The following LRRC4C variants were observed in gnomAD, a reference collection of about 807,000 sequenced individuals.
LRRC4C encodes leucine rich repeat containing 4C, also known as leucine-rich repeat-containing protein 4C.
LRRC4C carries 5 observed loss-of-function variants against 33.6 expected under a neutral mutation model. The ratio of observed to expected loss-of-function variants is 0.15; its 90% CI spans 0.08 to 0.31. The LOEUF is 0.31. LRRC4C is among the 10% of genes least tolerant of loss of function. The probability of loss-of-function intolerance (pLI) is 1.00; values close to 1 mark genes in which losing one functional copy is unlikely to be tolerated. For synonymous variants in LRRC4C, 329 were observed against 302.0 expected (o/e 1.09, Z -0.93); for missense variants, 560 against 796.7 (o/e 0.70, Z 3.58).
At chr11:41,242,205 AT>A (rs1031579347) in intron 1 of LRRC4C, among the ~76,000 whole-genome samples, 4 of 151,406 alleles carry the variant, frequency 2.6e-5, no homozygotes, top group East Asian at 1.9e-4. Flanking sequence ...TCCAGTGTTG[AT>A]TTTTTTTTGT....
chr11:41,295,268 G>A (rs1241225610), intron 1 of LRRC4C, among the ~76,000 whole-genome samples: 1 of 152,002 alleles, frequency 6.6e-6, no homozygotes, highest in Non-Finnish European at 1.5e-5. Flanking sequence ...TAACAACATT[G>A]GAAAAAATAA....
At chr11:40,927,107 G>A (rs12422174) in intron 2 of LRRC4C, among the ~76,000 whole-genome samples, 9,177 of 152,272 alleles carry the variant, frequency 0.06, 393 homozygotes, top group Admixed American at 0.15. Flanking sequence ...CAGGCACGGT[G>A]GCTCACGCCT....
At chr11:41,033,521 T>C (rs564298156) in intron 1 of LRRC4C, among the ~76,000 whole-genome samples, 1 of 151,754 alleles carries the variant, frequency 6.6e-6, no homozygotes, top group East Asian at 1.9e-4. Flanking sequence ...CATTTCATCC[T>C]GGTTCACCTG....
In LRRC4C at chr11:40,632,645, C is replaced by T. The variant is rs537781945; in HGVS notation, c.-270+15497G>A. 1.3e-4 allele frequency among the ~76,000 whole-genome samples: 20 copies of T among 152,264 alleles called. No homozygotes were observed. The South Asian group carries it at 2.1e-3, about 16-fold the overall frequency. On this transcript the variant is annotated intron_variant, in intron 3 of 6. Transcript: ENST00000528697. ...AAAACACTTATGTAATCTTAGGGAA[C>T]GCTCACAAAACCTCACAGAGAAGTG...
At chr11:40,623,747 C>G (rs912875213) in intron 3 of LRRC4C, among the ~76,000 whole-genome samples, 6 of 152,008 alleles carry the variant, frequency 3.9e-5, no homozygotes, top group Non-Finnish European at 8.8e-5. Flanking sequence ...CTTGAGAGTA[C>G]CTCACTTCTT....
intron 1 of LRRC4C, among the ~76,000 whole-genome samples, chr11:41,429,255 G>A (rs1421391166): frequency 1.3e-5 from 2 of 152,044 alleles, no homozygotes; most frequent in Admixed American, 6.6e-5. Context: ...GTTTCCTGAG[G>A]CCTCCCTAGC....
At chr11:41,137,453 T>C (rs16935389) in intron 1 of LRRC4C, among the ~76,000 whole-genome samples, 2,149 of 152,308 alleles carry the variant, frequency 0.014, 155 homozygotes, top group Admixed American at 0.12. Flanking sequence ...TCATCATTTC[T>C]ATGAATAGCA....
chr11:40,646,898 G>A (rs566461625), intron 3 of LRRC4C, among the ~76,000 whole-genome samples: 40 of 152,284 alleles, frequency 2.6e-4, no homozygotes, highest in African/African-American at 9.1e-4. Flanking sequence ...GAGCCACTGT[G>A]CCTGGCCAAG....
At chr11:40,758,359 C>T (rs543878468) in intron 2 of LRRC4C, among the ~76,000 whole-genome samples, 2 of 152,084 alleles carry the variant, frequency 1.3e-5, no homozygotes, top group South Asian at 4.1e-4. Flanking sequence ...GGGTCCTCTC[C>T]TCCTGCTATG....
At chr11:41,393,069 G>T (rs1452118988) in intron 1 of LRRC4C, among the ~76,000 whole-genome samples, 2 of 151,860 alleles carry the variant, frequency 1.3e-5, no homozygotes, top group African/African-American at 4.8e-5. Context: ...TATAATGATT[G>T]TAAAGTCACT....
rs1857242329 is a variant in LRRC4C, at chr11:40,139,839, A to C, written c.-43+962T>G. On this transcript the variant is annotated intron_variant, in intron 6 of 6. Transcript: ENST00000528697. Reference sequence around the variant, plus strand: ...CTTTTGCCTTCCAAAATAAACAACTACTTTTAGGGCATTACCCCTGGGGGT... The same window carrying C: ...CTTTTGCCTTCCAAAATAAACAACTCCTTTTAGGGCATTACCCCTGGGGGT... Among the ~76,000 whole-genome samples the C allele has an allele frequency of 2.0e-5, 3 of 152,310 alleles. No homozygotes were observed. The South Asian group carries it at 6.2e-4, about 32-fold the overall frequency.
chr11:40,439,097 A>ATT (rs200541047), intron 3 of LRRC4C, among the ~76,000 whole-genome samples: 103 of 134,722 alleles, frequency 7.6e-4, no homozygotes, highest in African/African-American at 2.3e-3. Flanking sequence ...CCCCCAGCTA[A>ATT]TTTTTTTTTT....
rs188651530 is a variant in LRRC4C at position 40,670,979 on chromosome 11, T to G, written c.-406-22701A>C. Among the ~76,000 whole-genome samples, 376 of 152,212 alleles carry G rather than the reference T, an allele frequency of 2.5e-3. 2 individuals carry two copies. The East Asian group carries it at 0.036, about 15-fold the overall frequency. ...GGGGTTTCACCGTGTTAGCCAGGAT[T>G]GTCTCAATCTCCTGACCTCGTGATC... On this transcript the variant is annotated intron_variant, in intron 2 of 6. Transcript: ENST00000528697.
At chr11:40,410,945 C>T (rs976656) in intron 3 of LRRC4C, among the ~76,000 whole-genome samples, 55,232 of 151,766 alleles carry the variant, frequency 0.36, 10,651 homozygotes, top group South Asian at 0.47. Flanking sequence ...TTTTAAAGTG[C>T]TGCAGTTAAA....
At chr11:40,257,711 C>G (rs534505611) in intron 4 of LRRC4C, among the ~76,000 whole-genome samples, 1 of 152,258 alleles carries the variant, frequency 6.6e-6, no homozygotes, top group Non-Finnish European at 1.5e-5. Context: ...GAGATAAACT[C>G]TTTTTACTTG....
intron 2 of LRRC4C, among the ~76,000 whole-genome samples, chr11:40,675,070 G>A (rs973172156): frequency 2.6e-5 from 4 of 152,078 alleles, no homozygotes; most frequent in African/African-American, 9.7e-5. Context: ...CTTCTATCTT[G>A]TGTTACTTTT....
chr11:40,451,754 C>A (rs1951898706), intron 3 of LRRC4C, among the ~76,000 whole-genome samples: 1 of 151,990 alleles, frequency 6.6e-6, no homozygotes, highest in Admixed American at 6.6e-5. Flanking sequence ...ATGAAATGGA[C>A]AAATTTGTAG....
rs996651815 is a variant in LRRC4C at position 40,311,888 on chromosome 11, T to C, written c.-176+7740A>G. Among the ~76,000 whole-genome samples the C allele has an allele frequency of 6.4e-5, 9 of 140,784 alleles. No individual in the cohort carries two copies. The South Asian group carries it at 2.0e-3, about 31-fold the overall frequency. The allele number at this position is 140,784 out of a possible 152,430, so 92.4% of individuals were successfully genotyped here. On this transcript the variant is annotated intron_variant, in intron 4 of 6. Transcript: ENST00000528697. ...TGAACCTGGGTGGCGGAAGTTGCAG[T>C]GAGCCAAGATCGTGCCACTGCACTC...
At chr11:41,123,540 G>A (rs1200433307) in intron 1 of LRRC4C, among the ~76,000 whole-genome samples, 18 of 151,658 alleles carry the variant, frequency 1.2e-4, no homozygotes, top group Admixed American at 9.2e-4. Flanking sequence ...CCAAAGTGCT[G>A]GGATTACAGG....
Sources: allele counts gnomAD v4.1 joint callset (sites outside exome capture counted in the v4.1 genomes callset), GRCh38; gene constraint gnomAD v4.1.1; transcripts MANE v1.5; gene names NCBI Gene and HGNC (gene_info 2026-07-23, HGNC 2026-07-21).